The following CTNNA3 variants were observed in gnomAD, a reference collection of about 807,000 sequenced individuals.
CTNNA3 encodes catenin alpha 3, also known as catenin alpha-3.
CTNNA3 carries 76 observed loss-of-function variants against 95.7 expected under a neutral mutation model. The ratio of observed to expected loss-of-function variants is 0.79; its 90% CI spans 0.66 to 0.96. The LOEUF (loss-of-function observed/expected upper bound fraction) is 0.96, where lower values mean the gene tolerates loss of function less well. Ranked by LOEUF, CTNNA3 falls within the 40% of genes least tolerant of loss-of-function variation. The pLI is 0.00. For missense variants in CTNNA3, 1,191 were observed against 1,089.8 expected (o/e 1.09, Z -1.31); for synonymous variants, 431 against 374.4 (o/e 1.15, Z -1.74).
intron 1 of CTNNA3, among the ~76,000 whole-genome samples, chr10:67,677,419 C>T (rs1368072444): frequency 6.6e-6 from 1 of 152,082 alleles, no homozygotes; most frequent in African/African-American, 2.4e-5. Flanking sequence ...AGAGTGTGTC[C>T]TGTATTTTTA....
At position 66,738,499 on chromosome 10, in the gene CTNNA3, G is replaced by C. The variant is rs73322164; in HGVS notation, c.1281+27765C>G. The stretch of plus-strand genomic sequence containing the variant: ...AATTTGTCTTTTCTGGTTCTTTATT[G>C]AAAAAGCAAATATACATTCTAGAAA... On this transcript the variant is annotated intron_variant, in intron 9 of 17. Coordinates refer to ENST00000433211, the MANE Select transcript of CTNNA3 (RefSeq NM_013266.4). 3.4e-3 allele frequency among the ~76,000 whole-genome samples: 516 copies of C among 151,890 alleles called. 2 individuals are homozygous for C. The highest frequency in any genetic ancestry group is 0.012 in the African/African-American group (494 of 41,414).
chr10:67,201,886 A>G (rs1863667007), intron 6 of CTNNA3, among the ~76,000 whole-genome samples: 1 of 152,184 alleles, frequency 6.6e-6, no homozygotes, highest in African/African-American at 2.4e-5. Context: ...GAATTTTAAT[A>G]TAGCAACCTC....
intron 2 of CTNNA3, among the ~76,000 whole-genome samples, chr10:67,622,560 G>A (rs944037126): frequency 1.3e-4 from 20 of 152,190 alleles, no homozygotes; most frequent in Non-Finnish European, 2.6e-4. Context: ...GCTACCCACA[G>A]ATCATCTCAA....
At chr10:66,781,055 GA>G (rs1840517278) in intron 7 of CTNNA3, among the ~76,000 whole-genome samples, 1 of 152,128 alleles carries the variant, frequency 6.6e-6, no homozygotes, top group African/African-American at 2.4e-5. Context: ...TTTGAAATAG[GA>G]AGGCCATGAT....
At chr10:66,022,661 C>T (rs1209197484) in intron 15 of CTNNA3, among the ~76,000 whole-genome samples, 1 of 151,852 alleles carries the variant, frequency 6.6e-6, no homozygotes, top group Admixed American at 6.6e-5. Context: ...AGCAACCAAG[C>T]TTCCTTAGCA....
At chr10:67,670,444 C>A (rs1278376209) in intron 1 of CTNNA3, among the ~76,000 whole-genome samples, 1 of 152,200 alleles carries the variant, frequency 6.6e-6, no homozygotes, top group African/African-American at 2.4e-5. Context: ...CTGCTATAGT[C>A]ACTAAATTAA....
chr10:66,292,182 C>T (rs2091694343), intron 12 of CTNNA3, among the ~76,000 whole-genome samples: 1 of 151,940 alleles, frequency 6.6e-6, no homozygotes, highest in Admixed American at 6.6e-5. Context: ...TTACTCTTCT[C>T]TCTCCTCATG....
chr10:66,587,779 C>G (rs2221566), intron 10 of CTNNA3, among the ~76,000 whole-genome samples: 55,814 of 151,958 alleles, frequency 0.37, 10,862 homozygotes, highest in Non-Finnish European at 0.44. Flanking sequence ...GTAGTCTGTA[C>G]GTAGAACTAA....
At chr10:67,525,851 GT>G (rs1243647726) in intron 4 of CTNNA3, among the ~76,000 whole-genome samples, 2 of 152,140 alleles carry the variant, frequency 1.3e-5, no homozygotes, top group Non-Finnish European at 2.9e-5. Flanking sequence ...CAGTCATCAT[GT>G]TTTCTTATTT....
chr10:66,303,321 A>C (rs2091889898), intron 12 of CTNNA3, among the ~76,000 whole-genome samples: 1 of 152,114 alleles, frequency 6.6e-6, no homozygotes, highest in Admixed American at 6.5e-5. Flanking sequence ...AAAAGAAACA[A>C]TAGTTATGAA....
At chr10:67,716,847 T>A (rs956161779) in intron 1 of CTNNA3, among the ~76,000 whole-genome samples, 3 of 152,200 alleles carry the variant, frequency 2.0e-5, no homozygotes, top group Non-Finnish European at 2.9e-5. Context: ...AGTAAAAGGA[T>A]TGCTGGGTCA....
intron 9 of CTNNA3, among the ~76,000 whole-genome samples, chr10:66,692,054 G>A (rs904902933): frequency 4.2e-4 from 64 of 151,454 alleles, no homozygotes; most frequent in African/African-American, 1.3e-3. Context: ...AAAGCAGAGC[G>A]CCTCTCCTCC....
At chr10:66,166,985 G>A (rs2085164515) in intron 13 of CTNNA3, among the ~76,000 whole-genome samples, 1 of 152,090 alleles carries the variant, frequency 6.6e-6, no homozygotes, top group Admixed American at 6.6e-5. Flanking sequence ...AGAAAAAGGT[G>A]ATGTCACTTT....
intron 10 of CTNNA3, among the ~76,000 whole-genome samples, chr10:66,580,370 G>T (rs1564546455): frequency 6.6e-6 from 1 of 151,498 alleles, no homozygotes; most frequent in Non-Finnish European, 1.5e-5. Context: ...ATAAAATCTA[G>T]GTAATTTGAA....
intron 8 of CTNNA3, among the ~76,000 whole-genome samples, chr10:66,771,473 A>G (rs749336819): frequency 6.6e-5 from 10 of 152,202 alleles, no homozygotes; most frequent in Non-Finnish European, 1.5e-4. Context: ...TTAAAAAGGC[A>G]TTTAAAACAA....
At chr10:66,464,286 C>G (rs1206618599) in intron 11 of CTNNA3, among the ~76,000 whole-genome samples, 1 of 152,018 alleles carries the variant, frequency 6.6e-6, no homozygotes, top group African/African-American at 2.4e-5. Flanking sequence ...AGTTGTTATT[C>G]AGCAACTACT....
intron 7 of CTNNA3, among the ~76,000 whole-genome samples, chr10:67,074,444 G>A (rs1329523470): frequency 3.6e-5 from 5 of 136,998 alleles, no homozygotes; most frequent in African/African-American, 5.5e-5. Context: ...TCCACCTCCC[G>A]GGTTCACGCC....
chr10:66,697,235 G>GTA (rs1847798553), intron 9 of CTNNA3, among the ~76,000 whole-genome samples: 1 of 149,064 alleles, frequency 6.7e-6, no homozygotes, highest in Non-Finnish European at 1.5e-5. Context: ...ATTTATGTGT[G>GTA]TATATATATC....
intron 13 of CTNNA3, among the ~76,000 whole-genome samples, chr10:66,217,485 A>C (rs1264597098): frequency 1.3e-5 from 2 of 152,068 alleles, no homozygotes; most frequent in Non-Finnish European, 2.9e-5. Context: ...ATTGATGAAT[A>C]GTATTGTATG....
Sources: gnomAD v4.1 joint callset for allele counts (sites outside exome capture counted in the v4.1 genomes callset) on GRCh38, gnomAD v4.1.1 for gene constraint, MANE v1.5 for transcripts, NCBI Gene and HGNC (gene_info 2026-07-23, HGNC 2026-07-21) for gene names.